STPG2: variants seen among roughly 807,000 people sequenced by gnomAD.
The protein encoded by STPG2 is sperm tail PG-rich repeat containing 2, also known as sperm-tail PG-rich repeat-containing protein 2.
In STPG2, 56 loss-of-function variants were observed where a neutral mutation model predicts 54.2. The ratio of observed to expected loss-of-function variants is 1.03; its 90% confidence interval spans 0.83 to 1.29. The LOEUF is 1.29. Among genes scored for constraint, STPG2 ranks in the 50% most tolerant of loss-of-function variants. The pLI, the probability that STPG2 is intolerant of heterozygous loss-of-function variation, is 0.00. For synonymous variants in STPG2, 200 were observed against 181.8 expected, an observed-to-expected ratio of 1.10 and a Z score of -0.81; for missense variants, 596 against 544.9, an observed-to-expected ratio of 1.09 and a Z score of -0.93.
At chr4:97,897,160 T>A (rs1329250813) in intron 8 of STPG2, among the ~76,000 whole-genome samples, 2 of 152,058 alleles carry the variant, frequency 1.3e-5, no homozygotes, top group African/African-American at 4.8e-5. Context: ...TATGCAGTAT[T>A]TGGTTTTCTG....
In STPG2 at chr4:97,829,906, C is replaced by T. The variant is rs151325248; in HGVS notation, c.1204+10867G>A. On this transcript the variant is annotated intron_variant, in intron 9 of 10. Transcript: ENST00000295268. ...AACAAATCTACGTTTGTTAGGTGTA[C>T]CTGAAAGTGATGGGGAGAATAGAAC... Among the ~76,000 whole-genome samples the T allele has an allele frequency of 6.6e-4, 100 of 152,196 alleles. 1 individual carries two copies. The East Asian group carries it at 0.016, about 25-fold the overall frequency.
At chr4:97,770,744 T>C (rs1726192794) in intron 9 of STPG2, among the ~76,000 whole-genome samples, 1 of 152,246 alleles carries the variant, frequency 6.6e-6, no homozygotes, top group South Asian at 2.1e-4. Flanking sequence ...GGATTTGTGA[T>C]TGAGAGTACC....
chr4:97,633,233 A>T (rs570630644), intron 10 of STPG2, among the ~76,000 whole-genome samples: 2 of 152,306 alleles, frequency 1.3e-5, no homozygotes, highest in South Asian at 4.1e-4. Context: ...TCTAAGTGTC[A>T]AATACAAAAC....
chr4:97,903,822 C>CA (rs1025584785), intron 8 of STPG2, among the ~76,000 whole-genome samples: 1 of 152,188 alleles, frequency 6.6e-6, no homozygotes, highest in African/African-American at 2.4e-5. Context: ...CTTTCCTAGT[C>CA]AAAAAAAGGG....
At chr4:97,982,202 G>A (rs1046395347) in intron 5 of STPG2, among the ~76,000 whole-genome samples, 3 of 151,946 alleles carry the variant, frequency 2.0e-5, no homozygotes, top group Non-Finnish European at 4.4e-5. Flanking sequence ...CTTTTCATTT[G>A]AAAAGAATTT....
At chr4:97,794,318 A>C (rs1329120403) in intron 9 of STPG2, among the ~76,000 whole-genome samples, 1 of 152,146 alleles carries the variant, frequency 6.6e-6, no homozygotes, top group East Asian at 1.9e-4. Context: ...TCTCAAGTTC[A>C]GACAATGAAA....
chr4:98,046,471 G>A (rs1737131838), intron 5 of STPG2, among the ~76,000 whole-genome samples: 1 of 152,132 alleles, frequency 6.6e-6, no homozygotes, highest in African/African-American at 2.4e-5. Flanking sequence ...TGTAGGAGAT[G>A]AACCTAACCA....
chr4:97,614,331 G>T (rs1435743708), intron 10 of STPG2, among the ~76,000 whole-genome samples: 1 of 151,022 alleles, frequency 6.6e-6, no homozygotes, highest in Non-Finnish European at 1.5e-5. Context: ...GAAACAAAAA[G>T]AAGTCAAAGG....
At chr4:97,626,515 T>A (rs946176132) in intron 10 of STPG2, among the ~76,000 whole-genome samples, 2 of 152,126 alleles carry the variant, frequency 1.3e-5, no homozygotes, top group African/African-American at 4.8e-5. Context: ...TGGTAATTAG[T>A]CTTCTTTTTA....
At chr4:98,026,109 C>G in intron 5 of STPG2, 1 of 1,451,722 alleles carries the variant, frequency 6.9e-7, no homozygotes, top group Non-Finnish European at 9.5e-7. Context: ...AAAGCTCATG[C>G]TGCTATACGA....
chr4:98,093,102 A>G (rs1454689165), intron 5 of STPG2, among the ~76,000 whole-genome samples: 1 of 152,328 alleles, frequency 6.6e-6, no homozygotes, highest in Non-Finnish European at 1.5e-5. Context: ...AACTTCATAT[A>G]TTTTGTATTA....
chr4:97,925,339 T>C (rs1256322902), intron 8 of STPG2, among the ~76,000 whole-genome samples: 1 of 152,222 alleles, frequency 6.6e-6, no homozygotes. Flanking sequence ...TCCTGCTGTT[T>C]GCTTATCAAA....
chr4:97,482,527 AAT>A (rs1281491461), intron 4 of STPG2, among the ~76,000 whole-genome samples: 16 of 151,570 alleles, frequency 1.1e-4, no homozygotes, highest in African/African-American at 3.4e-4. Flanking sequence ...ATAATAAGAA[AAT>A]ATGTACAAAG....
rs773229957 is a variant in STPG2, at chr4:98,027,867, T to G, written c.613-46549A>C. Reference sequence around the variant, plus strand: ...TGCCTTTAGAATTCCAGAGTCTCAATAGTCTTCCTTCATGTATCCTTCTTT... The same window carrying G: ...TGCCTTTAGAATTCCAGAGTCTCAAGAGTCTTCCTTCATGTATCCTTCTTT... On this transcript the variant is annotated intron_variant, in intron 5 of 10. Transcript: ENST00000295268. Among the ~76,000 whole-genome samples the G allele has an allele frequency of 7.3e-4, 111 of 152,292 alleles. 1 individual carries two copies. Among genetic ancestry groups the G allele is most frequent in the South Asian group, 1.5e-3 (7 of 4,822 alleles).
intron 4 of STPG2, among the ~76,000 whole-genome samples, chr4:97,526,544 T>C (rs1731284072): frequency 6.6e-6 from 1 of 152,112 alleles, no homozygotes; most frequent in Non-Finnish European, 1.5e-5. Context: ...CTTGTAAATT[T>C]GTTTAAGTTC....
intron 10 of STPG2, among the ~76,000 whole-genome samples, chr4:97,699,984 G>A (rs1268164646): frequency 6.6e-6 from 1 of 152,164 alleles, no homozygotes; most frequent in Non-Finnish European, 1.5e-5. Context: ...GGGTCAGAAA[G>A]CACCCAGTTA....
At chr4:97,875,653 A>G (rs551321661) in intron 8 of STPG2, among the ~76,000 whole-genome samples, 1 of 152,114 alleles carries the variant, frequency 6.6e-6, no homozygotes, top group Admixed American at 6.6e-5. Flanking sequence ...GCAAGGTCAT[A>G]ACAGTGTTTT....
chr4:97,500,988 G>A (rs1427678306), intron 4 of STPG2, among the ~76,000 whole-genome samples: 1 of 152,024 alleles, frequency 6.6e-6, no homozygotes, highest in Non-Finnish European at 1.5e-5. Context: ...TCAAAACTAT[G>A]GCATGTAAGA....
intron 10 of STPG2, among the ~76,000 whole-genome samples, chr4:97,644,242 G>GA (rs1044095168): frequency 5.0e-4 from 76 of 151,454 alleles, no homozygotes; most frequent in South Asian, 1.5e-3. Flanking sequence ...ACAATAAAAT[G>GA]AAAAAAAATG....
Sources: allele counts gnomAD v4.1 joint callset (sites outside exome capture counted in the v4.1 genomes callset), GRCh38; gene constraint gnomAD v4.1.1; transcripts MANE v1.5; gene names NCBI Gene and HGNC (gene_info 2026-07-23, HGNC 2026-07-21).